The following ENTREP2 variants were observed in gnomAD, a reference collection of about 807,000 sequenced individuals.
The protein encoded by ENTREP2 is protein ENTREP2.
At chr15:29,452,969 G>T in the ENTREP2 span, among the ~76,000 whole-genome samples, 28 of 152,106 alleles carry the variant, frequency 1.8e-4, no homozygotes, top group African/African-American at 6.3e-4. Flanking sequence ...GAGAGAGGCC[G>T]AGAGGAAATT....
chr15:29,409,593 G>C, the ENTREP2 span, among the ~76,000 whole-genome samples: 3 of 151,508 alleles, frequency 2.0e-5, no homozygotes, highest in Non-Finnish European at 4.4e-5. Context: ...ACAAAGTGCT[G>C]GGATTACAGG....
chr15:29,326,539 T>C, the ENTREP2 span, among the ~76,000 whole-genome samples: 2 of 152,034 alleles, frequency 1.3e-5, no homozygotes, highest in South Asian at 4.2e-4. Flanking sequence ...TGTAGAAAAC[T>C]AGAAAACTCA....
At chr15:29,611,435 T>A in the ENTREP2 span, among the ~76,000 whole-genome samples, 10 of 152,162 alleles carry the variant, frequency 6.6e-5, no homozygotes, top group Non-Finnish European at 1.2e-4. Flanking sequence ...TTCTGCTCCT[T>A]GACACAGATT....
chr15:29,152,182 C>A, the ENTREP2 span, among the ~76,000 whole-genome samples: 1 of 152,176 alleles, frequency 6.6e-6, no homozygotes, highest in Non-Finnish European at 1.5e-5. Flanking sequence ...ACCTATAACT[C>A]AAGTGAAACT....
At chr15:29,207,081 C>A in the ENTREP2 span, among the ~76,000 whole-genome samples, 1 of 152,148 alleles carries the variant, frequency 6.6e-6, no homozygotes. Flanking sequence ...TGCAGCAGTG[C>A]CCTCAGCCAG....
the ENTREP2 span, among the ~76,000 whole-genome samples, chr15:29,353,650 G>GC: frequency 6.6e-6 from 1 of 152,088 alleles, no homozygotes; most frequent in Non-Finnish European, 1.5e-5. Context: ...AATACCAATG[G>GC]CCACCCATAT....
the ENTREP2 span, among the ~76,000 whole-genome samples, chr15:29,188,046 C>T: frequency 1.3e-5 from 2 of 152,106 alleles, no homozygotes; most frequent in Non-Finnish European, 2.9e-5. Context: ...GAGAGAGGGG[C>T]GGTATCGCAC....
chr15:29,484,294 A>T, the ENTREP2 span, among the ~76,000 whole-genome samples: 2 of 151,790 alleles, frequency 1.3e-5, no homozygotes, highest in Non-Finnish European at 2.9e-5. Context: ...AAGTGGATTT[A>T]GGGGTCCCTT....
At chr15:29,277,835 A>G in the ENTREP2 span, among the ~76,000 whole-genome samples, 1 of 152,236 alleles carries the variant, frequency 6.6e-6, no homozygotes, top group Admixed American at 6.5e-5. Context: ...GCTTTAGCCT[A>G]AAGTAGAGAT....
chr15:29,391,121 G>A, the ENTREP2 span, among the ~76,000 whole-genome samples: 1 of 151,890 alleles, frequency 6.6e-6, no homozygotes, highest in Non-Finnish European at 1.5e-5. Flanking sequence ...CTTTCTCTGA[G>A]TCTTGCTGGG....
At chr15:29,467,975 A>G in the ENTREP2 span, among the ~76,000 whole-genome samples, 1 of 152,022 alleles carries the variant, frequency 6.6e-6, no homozygotes, top group South Asian at 2.1e-4. Context: ...CTGCCTCCAG[A>G]TGCCAAACAA....
the ENTREP2 span, among the ~76,000 whole-genome samples, chr15:29,574,797 C>T: frequency 1.3e-5 from 2 of 152,170 alleles, no homozygotes; most frequent in Admixed American, 1.3e-4. Flanking sequence ...TTGGTAGCCT[C>T]TCTTACGCAG....
the ENTREP2 span, among the ~76,000 whole-genome samples, chr15:29,184,929 C>G: frequency 4.0e-5 from 6 of 151,528 alleles, no homozygotes; most frequent in African/African-American, 1.5e-4. Context: ...CGGTATGAGA[C>G]CATGGGTGTG....
the ENTREP2 span, among the ~76,000 whole-genome samples, chr15:29,521,204 C>T: frequency 6.6e-6 from 1 of 152,312 alleles, no homozygotes; most frequent in Non-Finnish European, 1.5e-5. Context: ...TCAACACTCC[C>T]AGTGCCGAGG....
At chr15:29,311,226 C>T in the ENTREP2 span, among the ~76,000 whole-genome samples, 1 of 152,114 alleles carries the variant, frequency 6.6e-6, no homozygotes. Flanking sequence ...TCTTCCATAG[C>T]TTGTGTCTTG....
the ENTREP2 span, among the ~76,000 whole-genome samples, chr15:29,554,350 G>C: frequency 6.7e-6 from 1 of 150,072 alleles, no homozygotes. Context: ...AGTGAGGAAG[G>C]TAAGGAAGGA....
chr15:29,636,388 C>T, the ENTREP2 span, among the ~76,000 whole-genome samples: 13 of 152,318 alleles, frequency 8.5e-5, no homozygotes, highest in South Asian at 2.1e-4. Context: ...CATGAGAACA[C>T]GTCCAGGTGC....
the ENTREP2 span, among the ~76,000 whole-genome samples, chr15:29,493,617 A>C: frequency 5.3e-5 from 8 of 152,056 alleles, no homozygotes; most frequent in Admixed American, 3.3e-4. Flanking sequence ...TCCTGTCTCT[A>C]AAAATAAATA....
At chr15:29,591,837 GAAGAAGAAGAAGAAGAAGAAGA>G in the ENTREP2 span, among the ~76,000 whole-genome samples, 1 of 11,204 alleles carries the variant, frequency 8.9e-5, no homozygotes, top group Non-Finnish European at 2.1e-4. Flanking sequence ...CAAAAGAGAA[GAAGAAGAAGAAGAAGAAGAAGA>G]AGAAGAAGAA....
Sources: gnomAD v4.1 joint callset for allele counts (sites outside exome capture counted in the v4.1 genomes callset) on GRCh38, gnomAD v4.1.1 for gene constraint, MANE v1.5 for transcripts, NCBI Gene and HGNC (gene_info 2026-07-23, HGNC 2026-07-21) for gene names.